RBFOX1: variants seen among roughly 807,000 people sequenced by gnomAD.
RBFOX1 encodes the protein RNA binding fox-1 homolog 1.
A neutral mutation model predicts 57.7 loss-of-function variants in RBFOX1; 8 were observed. That is an observed-to-expected ratio of 0.14 (90% CI 0.08 to 0.25). RBFOX1 has a LOEUF of 0.25. RBFOX1 is among the 10% of genes least tolerant of loss of function. The pLI, the probability that RBFOX1 is intolerant of heterozygous loss-of-function variation, is 1.00. For synonymous variants in RBFOX1, 326 were observed against 222.4 expected (o/e 1.47, Z -4.15); for missense variants, 611 against 548.5 (o/e 1.11, Z -1.14).
intron 3 of RBFOX1, among the ~76,000 whole-genome samples, chr16:5,710,282 G>A (rs1017267634): frequency 6.6e-6 from 1 of 152,096 alleles, no homozygotes; most frequent in African/African-American, 2.4e-5. Context: ...AGCTTGTAAG[G>A]GCTAGAGCGA....
At chr16:7,439,464 C>G (rs953704321) in intron 4 of RBFOX1, among the ~76,000 whole-genome samples, 29 of 152,130 alleles carry the variant, frequency 1.9e-4, no homozygotes, top group African/African-American at 6.7e-4. Context: ...TTCTTCTTGT[C>G]TGGACACAAT....
intron 1 of RBFOX1, chr16:5,467,192 CTCTCTTT>C: frequency 6.8e-7 from 1 of 1,463,832 alleles, no homozygotes. Flanking sequence ...CTCTCTCTCT[CTCTCTTT>C]TTTTTTTTTA....
At chr16:7,444,379 G>C (rs2098792723) in intron 4 of RBFOX1, among the ~76,000 whole-genome samples, 2 of 152,196 alleles carry the variant, frequency 1.3e-5, no homozygotes, top group African/African-American at 2.4e-5. Context: ...AGAGTCTAGA[G>C]ATGGGGCTTC....
intron 3 of RBFOX1, among the ~76,000 whole-genome samples, chr16:7,043,799 A>G (rs2046972138): frequency 6.6e-6 from 1 of 152,200 alleles, no homozygotes; most frequent in South Asian, 2.1e-4. Flanking sequence ...TCCCTCTTGC[A>G]CTTGACTCTT....
intron 2 of RBFOX1, among the ~76,000 whole-genome samples, chr16:6,424,245 A>C (rs1042453598): frequency 6.6e-6 from 1 of 152,176 alleles, no homozygotes; most frequent in African/African-American, 2.4e-5. Flanking sequence ...TTCAAAACGA[A>C]ACAAAACAAA....
chr16:7,627,829 G>C (rs982919952), intron 10 of RBFOX1, among the ~76,000 whole-genome samples: 1 of 152,008 alleles, frequency 6.6e-6, no homozygotes, highest in Admixed American at 6.5e-5. Context: ...AAATTAAATT[G>C]GAGGATGCTT....
chr16:7,527,266 A>G (rs749053401), intron 5 of RBFOX1, among the ~76,000 whole-genome samples: 1 of 152,162 alleles, frequency 6.6e-6, no homozygotes, highest in Admixed American at 6.5e-5. Flanking sequence ...ATTCTCTGCA[A>G]TACATGGCCC....
chr16:7,015,483 CA>C (rs1385731375), intron 3 of RBFOX1, among the ~76,000 whole-genome samples: 1 of 152,136 alleles, frequency 6.6e-6, no homozygotes, highest in Admixed American at 6.5e-5. Context: ...AGTGTTCAGA[CA>C]GAGGCTGGGG....
chr16:7,309,962 C>T (rs887038908), intron 4 of RBFOX1, among the ~76,000 whole-genome samples: 4 of 152,200 alleles, frequency 2.6e-5, no homozygotes, highest in African/African-American at 9.6e-5. Flanking sequence ...AAGTTCCATT[C>T]ATCAATAAAG....
intron 3 of RBFOX1, among the ~76,000 whole-genome samples, chr16:6,910,897 T>A (rs1210249927): frequency 6.6e-6 from 1 of 152,076 alleles, no homozygotes; most frequent in Non-Finnish European, 1.5e-5. Context: ...CTTGCTAATC[T>A]CTGTTAGTAA....
chr16:6,386,780 G>A (rs1030637093), intron 2 of RBFOX1, among the ~76,000 whole-genome samples: 19 of 152,132 alleles, frequency 1.2e-4, no homozygotes, highest in Non-Finnish European at 1.0e-4. Context: ...ATTCTCTGGG[G>A]ATCTACTATT....
chr16:7,153,842 G>T (rs1038924442), intron 4 of RBFOX1, among the ~76,000 whole-genome samples: 3 of 152,004 alleles, frequency 2.0e-5, no homozygotes, highest in Non-Finnish European at 4.4e-5. Flanking sequence ...CCTCAAACAG[G>T]CTATCAGATG....
chr16:7,681,672 G>A (rs1027312654), intron 14 of RBFOX1, among the ~76,000 whole-genome samples: 2 of 152,028 alleles, frequency 1.3e-5, no homozygotes, highest in Non-Finnish European at 2.9e-5. Flanking sequence ...TTTGTAGGAA[G>A]GTTAATTTTT....
chr16:7,574,424 A>G (rs2093110507), intron 5 of RBFOX1, among the ~76,000 whole-genome samples: 1 of 152,164 alleles, frequency 6.6e-6, no homozygotes, highest in African/African-American at 2.4e-5. Context: ...TAAGCTGAGG[A>G]GCAAGGAAGT....
intron 1 of RBFOX1, among the ~76,000 whole-genome samples, chr16:6,150,293 T>C (rs2096788587): frequency 6.6e-6 from 1 of 152,114 alleles, no homozygotes; most frequent in Non-Finnish European, 1.5e-5. Flanking sequence ...CAGATTGTTA[T>C]GACTTTTACC....
chr16:7,310,013 C>G (rs2096273257), intron 4 of RBFOX1, among the ~76,000 whole-genome samples: 1 of 152,212 alleles, frequency 6.6e-6, no homozygotes, highest in African/African-American at 2.4e-5. Flanking sequence ...CTCTGCCGGG[C>G]TGAGCGTTGG....
chr16:6,213,535 C>T (rs1200513614), intron 1 of RBFOX1, among the ~76,000 whole-genome samples: 1 of 152,194 alleles, frequency 6.6e-6, no homozygotes, highest in Non-Finnish European at 1.5e-5. Context: ...AAGGCAGGTA[C>T]CGCCTTCTGC....
At chr16:7,010,680 C>T (rs939445281) in intron 3 of RBFOX1, among the ~76,000 whole-genome samples, 6 of 152,146 alleles carry the variant, frequency 3.9e-5, no homozygotes, top group South Asian at 2.1e-4. Context: ...TCTCCTGCCT[C>T]AGCCTACCAA....
chr16:7,354,921 G>A (rs938133668), intron 4 of RBFOX1, among the ~76,000 whole-genome samples: 1 of 152,112 alleles, frequency 6.6e-6, no homozygotes, highest in African/African-American at 2.4e-5. Flanking sequence ...GCTATCTTGT[G>A]GTCTCTTTGC....
Sources: gnomAD v4.1 joint callset for allele counts (sites outside exome capture counted in the v4.1 genomes callset) on GRCh38, gnomAD v4.1.1 for gene constraint, MANE v1.5 for transcripts, NCBI Gene and HGNC (gene_info 2026-07-23, HGNC 2026-07-21) for gene names.